Variants in MIGA1 observed in about 807,000 individuals in gnomAD.
MIGA1 encodes the protein family with sequence similarity 73, member A.
A neutral mutation model predicts 82.0 loss-of-function variants in MIGA1; 58 were observed. The observed-to-expected ratio is 0.71, with a 90% CI of 0.57 to 0.88. The LOEUF (loss-of-function observed/expected upper bound fraction) is 0.88. Ranked by LOEUF, MIGA1 falls within the 40% of genes least tolerant of loss-of-function variation. The probability of loss-of-function intolerance (pLI) is 0.00; values close to 1 mark genes in which losing one functional copy is unlikely to be tolerated. For missense variants in MIGA1, 751 were observed against 749.1 expected, an observed-to-expected ratio of 1.00 and a Z score of -0.03; for synonymous variants, 249 against 253.6, an observed-to-expected ratio of 0.98 and a Z score of 0.17.
intron 14 of MIGA1, among the ~76,000 whole-genome samples, chr1:77,867,568 T>C (rs533277712): frequency 1.3e-5 from 2 of 152,148 alleles, no homozygotes; most frequent in Admixed American, 1.3e-4. Flanking sequence ...CCTCAAGTGA[T>C]CTTCCAGTCT....
At chr1:77,866,038 G>A (rs1202527013) in intron 13 of MIGA1, among the ~76,000 whole-genome samples, 2 of 151,878 alleles carry the variant, frequency 1.3e-5, no homozygotes, top group Admixed American at 1.3e-4. Flanking sequence ...TCAGCCTCCC[G>A]AGTATCTGGG....
chr1:77,871,125 G>GGGAGAGGGAGAGGGAGAGGAAGGA (rs149246341), intron 14 of MIGA1, among the ~76,000 whole-genome samples: 3 of 74,260 alleles, frequency 4.0e-5, no homozygotes, highest in East Asian at 3.6e-4. Context: ...GAGAGGGAGA[G>GGGAGAGGGAGAGGGAGAGGAAGGA]GAGGGAGAGG....
intron 7 of MIGA1, among the ~76,000 whole-genome samples, chr1:77,824,975 C>T (rs1474754765): frequency 2.2e-5 from 3 of 136,852 alleles, no homozygotes; most frequent in East Asian, 2.1e-4. Context: ...GTTATTTGTT[C>T]TATTCCTCTT....
At chr1:77,787,671 G>A (rs1171605608) in intron 2 of MIGA1, among the ~76,000 whole-genome samples, 1 of 152,096 alleles carries the variant, frequency 6.6e-6, no homozygotes, top group Non-Finnish European at 1.5e-5. Flanking sequence ...TTACAGGTGT[G>A]AGCCACTTGT....
Position 77,801,475 on chromosome 1 carries a change from C to A in MIGA1, c.340C>A (p.Leu114Ile), listed in dbSNP as rs1377322213. The change falls in exon 3 of 16, where the codon CTT becomes ATT. Residue 114 changes from leucine (L) to isoleucine (I), a missense_variant. Coordinates refer to ENST00000370791, the MANE Select transcript of MIGA1 (RefSeq NM_198549.4). Reference sequence around the variant, plus strand: ...ACCATGGGAACCAGAGCACCTCATACTTGAATACACTAAAAGAGCAGCATC... The same window carrying A: ...ACCATGGGAACCAGAGCACCTCATAATTGAATACACTAAAAGAGCAGCATC... 6.2e-7 allele frequency: 1 copy of A among 1,602,638 alleles called. No homozygotes were observed. The highest frequency in any genetic ancestry group is 1.8e-5 in the Admixed American group (1 of 56,010).
At chr1:77,784,193 G>C (rs371056667) in intron 2 of MIGA1, among the ~76,000 whole-genome samples, 1 of 152,068 alleles carries the variant, frequency 6.6e-6, no homozygotes, top group South Asian at 2.1e-4. Context: ...GGATCATACA[G>C]TAATTCTACT....
chr1:77,839,763 G>A (rs1684562205), intron 7 of MIGA1, among the ~76,000 whole-genome samples: 1 of 152,016 alleles, frequency 6.6e-6, no homozygotes, highest in Non-Finnish European at 1.5e-5. Context: ...TTTGTTTTGA[G>A]ACGGACCCTT....
chr1:77,806,878 A>G, intron 4 of MIGA1, 97 bp from the exon 5 acceptor site: 1 of 861,216 alleles, frequency 1.2e-6, no homozygotes, highest in Non-Finnish European at 1.8e-6. Context: ...TTGTCTTACC[A>G]CTAATAGGAT....
intron 7 of MIGA1, among the ~76,000 whole-genome samples, chr1:77,831,373 G>C (rs938324284): frequency 6.6e-6 from 1 of 151,964 alleles, no homozygotes; most frequent in African/African-American, 2.4e-5. Context: ...ATGCAAAAAT[G>C]TTTGTTTTAT....
chr1:77,837,724 CCCCACTTAAGCATT>C (rs1254197596), intron 7 of MIGA1, among the ~76,000 whole-genome samples: 3 of 152,122 alleles, frequency 2.0e-5, no homozygotes, highest in Non-Finnish European at 4.4e-5. Flanking sequence ...GTTTGGTTAT[CCCCACTTAAGCATT>C]CCCACTTAAA....
intron 14 of MIGA1, among the ~76,000 whole-genome samples, chr1:77,866,627 C>T (rs1252099687): frequency 1.3e-5 from 2 of 150,550 alleles, no homozygotes; most frequent in South Asian, 4.3e-4. Flanking sequence ...AGAGGGGTTT[C>T]GAGTTGGAAA....
chr1:77,869,495 C>T (rs1489104034), intron 14 of MIGA1, among the ~76,000 whole-genome samples: 1 of 137,114 alleles, frequency 7.3e-6, no homozygotes, highest in East Asian at 2.3e-4. Context: ...GGCAGAGGGG[C>T]TCCTCACTTC....
chr1:77,780,232 G>A, intron 1 of MIGA1: 8 of 964,258 alleles, frequency 8.3e-6, no homozygotes, highest in Non-Finnish European at 9.9e-6. Flanking sequence ...GCTTGGATGC[G>A]GGTGGTTTTG....
In MIGA1 at chr1:77,829,617, T is replaced by C. The variant is rs1016955924; in HGVS notation, c.896-13690T>C. On this transcript the variant is annotated intron_variant, in intron 7 of 15. Coordinates refer to ENST00000370791, the MANE Select transcript of MIGA1 (RefSeq NM_198549.4). ...CCTAGTAGCTGGGAGTACAGGCACC[T>C]GCCACCACGCCCAGCTAATTTTTTT... Among the ~76,000 whole-genome samples the C allele has an allele frequency of 2.0e-5, 3 of 151,734 alleles. No homozygotes were observed. The East Asian group carries it at 5.8e-4, about 29-fold the overall frequency.
At chr1:77,796,386 G>A (rs1438286328) in intron 2 of MIGA1, among the ~76,000 whole-genome samples, 2 of 151,692 alleles carry the variant, frequency 1.3e-5, no homozygotes, top group East Asian at 3.9e-4. Context: ...CCAAAGTACT[G>A]GGATTACAGG....
rs780703369 is a variant in MIGA1 at position 77,803,247 on chromosome 1, A to G, written c.374-23A>G. ...ATCATTGGCGTTATTGATATTTTTA[A>G]TATTAGTATGTTTATTTGATAGGTT... On this transcript the variant is annotated intron_variant, in intron 3 of 15. Transcript: ENST00000370791. 6.5e-6 allele frequency: 9 copies of G among 1,375,628 alleles called. 1 individual carries two copies. The highest frequency in any genetic ancestry group is 3.6e-5 in the South Asian group (2 of 55,030). 85.2% of individuals were successfully genotyped at this position (1,375,628 alleles called of 1,614,324 possible). A position where few individuals can be genotyped will look rare whatever the true frequency, so the allele number is the denominator to read the frequency against.
intron 8 of MIGA1, among the ~76,000 whole-genome samples, chr1:77,851,611 A>G (rs1201481319): frequency 2.0e-5 from 3 of 152,202 alleles, no homozygotes; most frequent in Non-Finnish European, 4.4e-5. Flanking sequence ...AATGATTTAA[A>G]TAAATGTTTC....
chr1:77,812,558 G>C (rs1306270465), intron 5 of MIGA1, among the ~76,000 whole-genome samples: 2 of 152,112 alleles, frequency 1.3e-5, no homozygotes, highest in Non-Finnish European at 1.5e-5. Flanking sequence ...GTATTTTTTA[G>C]CTACCATATC....
chr1:77,835,789 A>G (rs1178713540), intron 7 of MIGA1, among the ~76,000 whole-genome samples: 1 of 152,054 alleles, frequency 6.6e-6, no homozygotes, highest in African/African-American at 2.4e-5. Flanking sequence ...CTCTACTGAA[A>G]ATACAGAAAT....
Sources: allele counts gnomAD v4.1 joint callset (sites outside exome capture counted in the v4.1 genomes callset), GRCh38; gene constraint gnomAD v4.1.1; transcripts MANE v1.5; gene names NCBI Gene and HGNC (gene_info 2026-07-23, HGNC 2026-07-21).